Variants in GRIK2 observed in about 807,000 individuals in gnomAD.
The protein encoded by GRIK2 is glutamate receptor ionotropic, kainate 2.
GRIK2 carries 32 observed loss-of-function variants against 100.3 expected under a neutral mutation model. The ratio of observed to expected loss-of-function variants is 0.32; its 90% confidence interval spans 0.24 to 0.43. GRIK2 has a LOEUF of 0.43. Ranked by LOEUF, GRIK2 falls within the 20% of genes least tolerant of loss-of-function variation. GRIK2 has a pLI of 1.00. For missense variants in GRIK2, 843 were observed against 1,114.9 expected (o/e 0.76, Z 3.47); for synonymous variants, 417 against 389.4 (o/e 1.07, Z -0.83).
intron 12 of GRIK2, among the ~76,000 whole-genome samples, chr6:101,923,469 A>G: frequency 6.6e-6 from 1 of 152,218 alleles, no homozygotes; most frequent in East Asian, 1.9e-4. Context: ...AGTTTGAACT[A>G]CATTAGAGAT....
At chr6:101,840,505 A>G (rs773852005) in intron 10 of GRIK2, among the ~76,000 whole-genome samples, 6 of 152,218 alleles carry the variant, frequency 3.9e-5, no homozygotes, top group Non-Finnish European at 7.3e-5. Flanking sequence ...ACTCAAAAAG[A>G]AAGTTACAGA....
intron 6 of GRIK2, among the ~76,000 whole-genome samples, chr6:101,685,809 A>T (rs1388669979): frequency 6.6e-6 from 1 of 152,126 alleles, no homozygotes; most frequent in East Asian, 1.9e-4. Flanking sequence ...AACAGCAATA[A>T]CCAGGCGAGG....
chr6:101,412,043 C>G (rs1472606379), intron 2 of GRIK2, among the ~76,000 whole-genome samples: 1 of 151,988 alleles, frequency 6.6e-6, no homozygotes, highest in Non-Finnish European at 1.5e-5. Flanking sequence ...AGAATCTAGG[C>G]TGAAAATAAT....
chr6:102,047,121 C>CAAAT (rs1770933173), intron 15 of GRIK2, among the ~76,000 whole-genome samples: 1 of 151,910 alleles, frequency 6.6e-6, no homozygotes, highest in South Asian at 2.1e-4. Flanking sequence ...ACGAAGATCC[C>CAAAT]AAATAGCCTG....
chr6:101,902,794 T>C (rs1787947138), intron 12 of GRIK2, among the ~76,000 whole-genome samples: 1 of 151,920 alleles, frequency 6.6e-6, no homozygotes, highest in Non-Finnish European at 1.5e-5. Context: ...AGTTGCAATA[T>C]TATAAACATC....
At chr6:101,867,441 A>G (rs1785120880) in intron 11 of GRIK2, among the ~76,000 whole-genome samples, 1 of 151,912 alleles carries the variant, frequency 6.6e-6, no homozygotes, top group African/African-American at 2.4e-5. Context: ...ATATAAACAA[A>G]CTGGTTTCAG....
chr6:101,949,983 A>C (rs768167110), intron 14 of GRIK2, among the ~76,000 whole-genome samples: 15 of 152,130 alleles, frequency 9.9e-5, no homozygotes, highest in Non-Finnish European at 1.5e-4. Flanking sequence ...TGCTGATTTC[A>C]TGTTCAGGAA....
At chr6:101,960,053 G>GTTTTTTTTTTTTTTTTTT (rs781532291) in intron 14 of GRIK2, among the ~76,000 whole-genome samples, 1 of 131,030 alleles carries the variant, frequency 7.6e-6, no homozygotes, top group African/African-American at 2.9e-5. Context: ...TTAGTGTTTT[G>GTTTTTTTTTTTTTTTTTT]TTTTTTTTTT....
chr6:101,683,630 A>T (rs950689761), intron 6 of GRIK2, among the ~76,000 whole-genome samples: 1 of 152,112 alleles, frequency 6.6e-6, no homozygotes, highest in South Asian at 2.1e-4. Context: ...TTTCTCTTCA[A>T]TTATTTTCTT....
At chr6:101,968,648 A>ATACTT (rs2128485130) in intron 14 of GRIK2, among the ~76,000 whole-genome samples, 1 of 152,126 alleles carries the variant, frequency 6.6e-6, no homozygotes, top group African/African-American at 2.4e-5. Context: ...ATAAAGATAC[A>ATACTT]TACTTTATGT....
chr6:101,565,806 A>G (rs1171863866), intron 2 of GRIK2, among the ~76,000 whole-genome samples: 1 of 151,202 alleles, frequency 6.6e-6, no homozygotes, highest in East Asian at 1.9e-4. Context: ...CTATTTACCT[A>G]TTGTTGACCA....
chr6:101,612,087 C>T (rs555447566), intron 2 of GRIK2, among the ~76,000 whole-genome samples: 5 of 151,812 alleles, frequency 3.3e-5, no homozygotes, highest in Non-Finnish European at 5.9e-5. Context: ...AAGATGGGGC[C>T]TGGACTGAGG....
chr6:101,712,949 C>T (rs1326949618), intron 7 of GRIK2, among the ~76,000 whole-genome samples: 2 of 151,796 alleles, frequency 1.3e-5, no homozygotes, highest in East Asian at 3.9e-4. Flanking sequence ...AGGCCTATCT[C>T]CCTACCAGTA....
chr6:101,891,529 A>AAG, intron 12 of GRIK2: 1 of 396,526 alleles, frequency 2.5e-6, no homozygotes, highest in Non-Finnish European at 4.9e-6. Context: ...AAAAAAAAAA[A>AAG]AAAAAAAAGG....
chr6:102,053,810 A>G (rs188603493), intron 15 of GRIK2, among the ~76,000 whole-genome samples: 151 of 152,302 alleles, frequency 9.9e-4, no homozygotes, highest in Non-Finnish European at 1.9e-3. Flanking sequence ...AAAATAGAAC[A>G]TATCTCAACA....
intron 7 of GRIK2, among the ~76,000 whole-genome samples, chr6:101,791,899 G>A (rs1030699843): frequency 4.6e-5 from 7 of 151,732 alleles, no homozygotes; most frequent in Non-Finnish European, 1.0e-4. Context: ...TCCTGTATTG[G>A]GTGCATATAT....
intron 2 of GRIK2, among the ~76,000 whole-genome samples, chr6:101,482,517 G>A (rs1444520380): frequency 2.6e-5 from 4 of 152,096 alleles, no homozygotes; most frequent in South Asian, 2.1e-4. Context: ...TTTATGCAGC[G>A]AAAACACTGT....
chr6:101,695,079 G>A (rs1772384899), intron 7 of GRIK2, among the ~76,000 whole-genome samples: 2 of 151,636 alleles, frequency 1.3e-5, no homozygotes, highest in African/African-American at 4.8e-5. Context: ...ATACGTTTGT[G>A]CTGCTCTGAC....
At chr6:101,868,700 A>G (rs889251777) in intron 11 of GRIK2, among the ~76,000 whole-genome samples, 47 of 151,998 alleles carry the variant, frequency 3.1e-4, no homozygotes, top group African/African-American at 1.1e-3. Flanking sequence ...TATTAATGCT[A>G]TAGAAATTTG....
Sources: allele counts gnomAD v4.1 joint callset (sites outside exome capture counted in the v4.1 genomes callset), GRCh38; gene constraint gnomAD v4.1.1; transcripts MANE v1.5; gene names NCBI Gene and HGNC (gene_info 2026-07-23, HGNC 2026-07-21).